Variants in EML1 observed in about 807,000 individuals in gnomAD.
EML1 encodes the protein echinoderm microtubule-associated protein-like 1.
In EML1, 27 loss-of-function variants were observed where a neutral mutation model predicts 110.4. The ratio of observed to expected loss-of-function variants is 0.24; its 90% CI spans 0.18 to 0.34. EML1 has a LOEUF of 0.34. EML1 is among the 10% of genes least tolerant of loss of function. EML1 has a pLI of 1.00. For missense variants in EML1, 741 were observed against 1,030.9 expected, an observed-to-expected ratio of 0.72 and a Z score of 3.85; for synonymous variants, 344 against 385.8, an observed-to-expected ratio of 0.89 and a Z score of 1.27.
intron 1 of EML1, among the ~76,000 whole-genome samples, chr14:99,849,535 A>ATT (rs1555395786): frequency 1.4e-5 from 2 of 140,218 alleles, no homozygotes; most frequent in Admixed American, 7.0e-5. Context: ...GTGTGTATAT[A>ATT]TATTTATTTA....
chr14:99,937,676 C>T (rs2060499924), intron 19 of EML1, 141 bp from the exon 20 acceptor site: 1 of 666,530 alleles, frequency 1.5e-6, no homozygotes, highest in Non-Finnish European at 2.6e-6. Flanking sequence ...ACACGTGGTT[C>T]CTGCCCGACT....
chr14:99,880,996 T>G (rs2059375964), intron 4 of EML1, among the ~76,000 whole-genome samples: 1 of 152,226 alleles, frequency 6.6e-6, no homozygotes, highest in African/African-American at 2.4e-5. Context: ...ATGAAAGTGT[T>G]AGATTTTGTC....
At chr14:99,808,063 C>T (rs1214754536) in intron 1 of EML1, among the ~76,000 whole-genome samples, 1 of 152,152 alleles carries the variant, frequency 6.6e-6, no homozygotes, top group Non-Finnish European at 1.5e-5. Context: ...AGTCTTCCCT[C>T]ATCTGTCCCG....
rs199586707 is a variant in EML1 at position 99,751,358 on chromosome 14, GGGTGACCCAGCACGGAA to G, written c.28+13500_28+13516del. On this transcript the variant is annotated intron_variant, in intron 1 of 10. Coordinates refer to the EML1 transcript ENST00000554479. Reference sequence around the variant, plus strand: ...AAGGGGCCACTGCATGGAGGGTCCTGGGTGACCCAGCACGGAAGCAGAGGCAGCAGCAGCTGCTGAAT... The same window carrying G: ...AAGGGGCCACTGCATGGAGGGTCCTGGCAGAGGCAGCAGCAGCTGCTGAAT... Among the ~76,000 whole-genome samples the G allele has an allele frequency of 7.9e-5, 12 of 152,288 alleles. No homozygotes were observed. In the East Asian group the frequency reaches 2.3e-3, roughly 29 times the overall value.
At chr14:99,869,005 T>C (rs1477905857) in intron 3 of EML1, among the ~76,000 whole-genome samples, 1 of 152,220 alleles carries the variant, frequency 6.6e-6, no homozygotes, top group Non-Finnish European at 1.5e-5. Context: ...TGTTGTGTTT[T>C]CATATGTCTC....
chr14:99,898,126 C>CAT (rs1480112715), intron 7 of EML1, 107 bp from the exon 8 acceptor site: 1 of 846,748 alleles, frequency 1.2e-6, no homozygotes, highest in African/African-American at 1.7e-5. Context: ...AGAAGTTAGG[C>CAT]ATTATATATT....
At chr14:99,824,812 T>G (rs2058325545) in intron 1 of EML1, among the ~76,000 whole-genome samples, 1 of 152,136 alleles carries the variant, frequency 6.6e-6, no homozygotes, top group African/African-American at 2.4e-5. Flanking sequence ...TGTCTATTAT[T>G]CCACTGTGTG....
chr14:99,771,096 T>C (rs1192235488), upstream of EML1, among the ~76,000 whole-genome samples: 2 of 152,192 alleles, frequency 1.3e-5, no homozygotes, highest in African/African-American at 4.8e-5. Context: ...CCACTGATAT[T>C]ATAATGATCA....
chr14:99,787,712 T>A (rs1028589193), intron 1 of EML1, among the ~76,000 whole-genome samples: 1 of 152,156 alleles, frequency 6.6e-6, no homozygotes, highest in Admixed American at 6.6e-5. Context: ...AACCCAGGTG[T>A]GGGCAGGGCT....
intron 1 of EML1, among the ~76,000 whole-genome samples, chr14:99,782,610 C>T (rs2057553149): frequency 6.6e-6 from 1 of 152,156 alleles, no homozygotes; most frequent in Non-Finnish European, 1.5e-5. Flanking sequence ...GATAGGGGAG[C>T]AACTTCTTAT....
intron 1 of EML1, among the ~76,000 whole-genome samples, chr14:99,840,452 C>T (rs1171722468): frequency 6.6e-6 from 1 of 152,218 alleles, no homozygotes; most frequent in Non-Finnish European, 1.5e-5. Context: ...GGTTCTCCTA[C>T]TTCATCTGTG....
At chr14:99,829,249 C>T (rs536816294) in intron 1 of EML1, among the ~76,000 whole-genome samples, 4 of 152,268 alleles carry the variant, frequency 2.6e-5, no homozygotes, top group Non-Finnish European at 5.9e-5. Context: ...CCTGTGTCAT[C>T]CAGGGCCCCT....
chr14:99,792,518 A>C (rs2057687211), upstream of EML1, among the ~76,000 whole-genome samples: 1 of 152,206 alleles, frequency 6.6e-6, no homozygotes, highest in Admixed American at 6.5e-5. Flanking sequence ...GAAAAGTTAC[A>C]AACTCATAGA....
At chr14:99,866,035 C>T (rs1291202843) in intron 3 of EML1, among the ~76,000 whole-genome samples, 1 of 152,200 alleles carries the variant, frequency 6.6e-6, no homozygotes, top group African/African-American at 2.4e-5. Flanking sequence ...TTTGGATAAG[C>T]TCATACTTTC....
intron 17 of EML1, among the ~76,000 whole-genome samples, chr14:99,933,939 A>G (rs954959352): frequency 4.6e-5 from 7 of 152,156 alleles, no homozygotes; most frequent in African/African-American, 1.7e-4. Flanking sequence ...TACTAAAAAT[A>G]CAAAAATTAG....
At chr14:99,834,811 A>ATTTTGT (rs1566889242) in intron 1 of EML1, among the ~76,000 whole-genome samples, 1 of 151,850 alleles carries the variant, frequency 6.6e-6, no homozygotes, top group Non-Finnish European at 1.5e-5. Flanking sequence ...TTGTGGAAAG[A>ATTTTGT]TTTTGTTTTT....
In EML1 at chr14:99,923,644, T is replaced by TTTTG. The variant is rs2060176090; in HGVS notation, c.1909+2768_1909+2769insTTGT. Among the ~76,000 whole-genome samples, 21 of 51,866 alleles carry TTTTG rather than the reference T, an allele frequency of 4.0e-4. No individual in the cohort carries two copies. The African/African-American group carries it at 0.01, about 25-fold the overall frequency. The allele number at this position is 51,866 out of a possible 152,430, so 34.0% of individuals were successfully genotyped here. ...TTTCCGGATACTCAGTTCTGCCCCC[T>TTTTG]TCACCTGTGTTTATCCCCGATTACT... On this transcript the variant is annotated intron_variant, in intron 17 of 21. Coordinates refer to ENST00000262233, the MANE Select transcript of EML1 (RefSeq NM_004434.3).
intron 16 of EML1, among the ~76,000 whole-genome samples, chr14:99,919,653 C>A (rs1274953369): frequency 1.3e-5 from 2 of 152,138 alleles, no homozygotes; most frequent in Admixed American, 1.3e-4. Context: ...CCTAATCCAG[C>A]CCCTCATCTG....
chr14:99,793,266 G>GCCGCCCCCT, upstream of EML1: 1 of 928,194 alleles, frequency 1.1e-6, no homozygotes, highest in Non-Finnish European at 1.3e-6. Context: ...GGCCGCCGAG[G>GCCGCCCCCT]CCGCCCCCTC....
Sources: allele counts gnomAD v4.1 joint callset (sites outside exome capture counted in the v4.1 genomes callset), GRCh38; gene constraint gnomAD v4.1.1; transcripts MANE v1.5; gene names NCBI Gene and HGNC (gene_info 2026-07-23, HGNC 2026-07-21).